The following RRBP1 variants were observed in gnomAD, a reference collection of about 807,000 sequenced individuals.
The protein encoded by RRBP1 is ribosome binding protein 1.
A neutral mutation model predicts 165.2 loss-of-function variants in RRBP1; 94 were observed. The ratio of observed to expected loss-of-function variants is 0.57; its 90% CI spans 0.48 to 0.68. The LOEUF (loss-of-function observed/expected upper bound fraction) is 0.68. Ranked by LOEUF, RRBP1 falls within the 30% of genes least tolerant of loss-of-function variation. The pLI is 0.00. For missense variants in RRBP1, 1,676 were observed against 1,763.0 expected, an observed-to-expected ratio of 0.95 and a Z score of 0.88; for synonymous variants, 680 against 714.5, an observed-to-expected ratio of 0.95 and a Z score of 0.77.
chr20:17,630,362 CAT>C (rs988568631), intron 8 of RRBP1, among the ~76,000 whole-genome samples: 30 of 152,362 alleles, frequency 2.0e-4, no homozygotes, highest in East Asian at 3.9e-4. Flanking sequence ...TGCAGCTCCA[CAT>C]GTTACACACA....
intron 12 of RRBP1, 141 bp from the exon 13 acceptor site, chr20:17,624,809 C>G (rs1374383670): frequency 1.5e-6 from 1 of 648,638 alleles, no homozygotes. Context: ...ACAAAATGCC[C>G]CTTCCTTGGC....
chr20:17,636,384 T>A (rs2036248994), intron 6 of RRBP1, among the ~76,000 whole-genome samples, 193 bp downstream of exon 6: 1 of 152,230 alleles, frequency 6.6e-6, no homozygotes, highest in African/African-American at 2.4e-5. Context: ...ATACACACAC[T>A]TGGGCTGCCA....
chr20:17,620,199 G>A (rs1012374384), intron 18 of RRBP1, 100 bp downstream of exon 18: 14 of 861,128 alleles, frequency 1.6e-5, no homozygotes, highest in African/African-American at 6.7e-5. Context: ...TAAGGCACAC[G>A]GTCCATGAGG....
intron 1 of RRBP1, among the ~76,000 whole-genome samples, chr20:17,681,604 G>A (rs1389619102): frequency 7.4e-6 from 1 of 134,256 alleles, no homozygotes; most frequent in Non-Finnish European, 1.6e-5. Context: ...GCGGCTTCCC[G>A]AAACTTAACC....
intron 3 of RRBP1, among the ~76,000 whole-genome samples, chr20:17,647,906 G>A (rs1044682934): frequency 7.2e-5 from 11 of 152,156 alleles, no homozygotes; most frequent in African/African-American, 2.7e-4. Context: ...CAATCTTGGC[G>A]TGCCTTCCAC....
intron 13 of RRBP1, among the ~76,000 whole-genome samples, chr20:17,623,931 CA>C (rs1284202465): frequency 0.044 from 5,929 of 135,142 alleles, 358 homozygotes; most frequent in African/African-American, 0.14. Context: ...GACACCGTCT[CA>C]AAAAAAAAAA....
chr20:17,674,815 A>T (rs2037045448), intron 2 of RRBP1, among the ~76,000 whole-genome samples: 1 of 152,080 alleles, frequency 6.6e-6, no homozygotes, highest in Non-Finnish European at 1.5e-5. Flanking sequence ...CTAAACACAA[A>T]ATCTACCTCT....
At chr20:17,653,825 C>T (rs1218283752) in intron 3 of RRBP1, among the ~76,000 whole-genome samples, 2 of 143,662 alleles carry the variant, frequency 1.4e-5, no homozygotes, top group African/African-American at 5.2e-5. Context: ...CAGAGCGAGA[C>T]TCCATCTCAA....
chr20:17,641,805 GCTCC>G lies in RRBP1; in HGVS notation c.2172_2175del (p.Arg724SerfsTer20). On this transcript the variant is annotated frameshift_variant, in exon 5 of 25. Coordinates refer to ENST00000377813, the MANE Select transcript of RRBP1 (RefSeq NM_001365613.2). LOFTEE classifies it high-confidence loss of function. ...GCCCACTCAGGCTGTACCTTGTTGA[GCTCC>G]CTCAGTTTGCTCTTGGCGACAGCCG... 6.2e-7 allele frequency: 1 copy of G among 1,613,032 alleles called. No homozygotes were observed. The highest frequency in any genetic ancestry group is 8.5e-7 in the Non-Finnish European group (1 of 1,179,960).
chr20:17,675,946 G>A (rs894123352), intron 2 of RRBP1, among the ~76,000 whole-genome samples: 13 of 152,224 alleles, frequency 8.5e-5, no homozygotes, highest in Admixed American at 7.9e-4. Context: ...GCTGGCTCAC[G>A]CCTACAATCC....
rs1374708828 is a variant in RRBP1 at position 17,620,367 on chromosome 20, G to A, written c.3511C>T (p.Arg1171Trp). ...TCTTCGAGATGCTTCACTGTGACCC[G>A]GGACTACAAAGCAAGGGGAAGGCTC... ...GAAEEELQKS[R>W]VTVKHLEEIV... The change falls in exon 18 of 25, where the codon CGG (arginine) becomes TGG (tryptophan). Residue 1171 changes from arginine to tryptophan, a missense_variant. Arg to Trp is a moderately radical substitution (Grantham distance 101, BLOSUM62 -3). Coordinates refer to ENST00000377813, the MANE Select transcript of RRBP1 (RefSeq NM_001365613.2). 6.2e-6 allele frequency: 10 copies of A among 1,613,392 alleles called. No individual in the cohort carries two copies. Among genetic ancestry groups the A allele is most frequent in the South Asian group, 1.1e-5 (1 of 91,056 alleles).
intron 2 of RRBP1, among the ~76,000 whole-genome samples, chr20:17,663,227 G>A (rs1042943285): frequency 2.0e-5 from 3 of 152,170 alleles, no homozygotes; most frequent in African/African-American, 7.2e-5. Flanking sequence ...GTTCACAGCC[G>A]AGGACTGTGG....
intron 2 of RRBP1, among the ~76,000 whole-genome samples, chr20:17,679,316 C>CCATTGGTTATA (rs1453674229): frequency 3.9e-5 from 6 of 152,228 alleles, no homozygotes; most frequent in African/African-American, 1.4e-4. Flanking sequence ...GCGCTGTCCG[C>CCATTGGTTATA]CTGGTATAAC....
intron 21 of RRBP1, 71 bp downstream of exon 21, chr20:17,616,661 G>A (rs1052096608): frequency 1.4e-5 from 15 of 1,063,852 alleles, no homozygotes; most frequent in South Asian, 8.1e-5. Flanking sequence ...GGTTTAGTCC[G>A]AACGGAGGCA....
chr20:17,680,814 C>A, intron 1 of RRBP1, among the ~76,000 whole-genome samples: 1 of 152,088 alleles, frequency 6.6e-6, no homozygotes, highest in East Asian at 1.9e-4. Flanking sequence ...ACAAAAGCAT[C>A]CCAACTGAAC....
Position 17,642,968 on chromosome 20 carries a change from G to A in RRBP1, c.2061+11C>T. ...GGCCTCTGAGCATGGCCAGCAGGAG[G>A]GTGGGCCCACCTTGTGCCAGGTGTC... On this transcript the variant is annotated intron_variant, in intron 4 of 24. Transcript: ENST00000377813. 1 of 1,612,662 alleles carries A rather than the reference G, an allele frequency of 6.2e-7. No individual in the cohort carries two copies. Among genetic ancestry groups the A allele is most frequent in the Non-Finnish European group, 8.5e-7 (1 of 1,179,030 alleles).
intron 2 of RRBP1, among the ~76,000 whole-genome samples, chr20:17,664,550 C>T (rs1310186687): frequency 1.3e-5 from 2 of 152,192 alleles, no homozygotes; most frequent in Non-Finnish European, 2.9e-5. Context: ...ACTGGCCCAC[C>T]TCTAAGATCT....
At chr20:17,665,202 T>C (rs2036847606) in intron 2 of RRBP1, among the ~76,000 whole-genome samples, 1 of 152,168 alleles carries the variant, frequency 6.6e-6, no homozygotes, top group Non-Finnish European at 1.5e-5. Flanking sequence ...ACTTACCACT[T>C]CCACCTGCTT....
chr20:17,648,198 G>A (rs2036498505), intron 3 of RRBP1, among the ~76,000 whole-genome samples: 1 of 151,870 alleles, frequency 6.6e-6, no homozygotes. Flanking sequence ...AGGAGCTCCG[G>A]CCAACATCAC....
Sources: gnomAD v4.1 joint callset for allele counts (sites outside exome capture counted in the v4.1 genomes callset) on GRCh38, gnomAD v4.1.1 for gene constraint, MANE v1.5 for transcripts, NCBI Gene and HGNC (gene_info 2026-07-23, HGNC 2026-07-21) for gene names.